Variants in EFEMP1 observed in about 807,000 individuals in gnomAD.
EFEMP1 encodes the protein EGF-like fibulin extracellular matrix protein 1.
EFEMP1 carries 18 observed loss-of-function variants against 65.7 expected under a neutral mutation model. The ratio of observed to expected loss-of-function variants is 0.27; its 90% CI spans 0.19 to 0.41. The LOEUF is 0.41. Ranked by LOEUF, EFEMP1 falls within the 10% of genes least tolerant of loss-of-function variation. The probability of loss-of-function intolerance (pLI) is 1.00; values close to 1 mark genes in which losing one functional copy is unlikely to be tolerated. For synonymous variants in EFEMP1, 237 were observed against 219.7 expected (o/e 1.08, Z -0.70); for missense variants, 469 against 624.8 (o/e 0.75, Z 2.66).
chr2:55,888,334 CTTT>C lies in EFEMP1; in HGVS notation c.518-6603_518-6601del, dbSNP rs71713705. The stretch of plus-strand genomic sequence containing the variant: ...AAACTCTTTTTTTTTCCTTCTTAAA[CTTT>C]TTTTTTTTTTTTTTTTTTGAGATGG... On this transcript the variant is annotated intron_variant, in intron 5 of 11. Transcript: ENST00000355426. 7.9e-4 allele frequency among the ~76,000 whole-genome samples: 90 copies of C among 114,292 alleles called. 3 individuals are homozygous for C. Among genetic ancestry groups the C allele is most frequent in the East Asian group, 2.1e-3 (9 of 4,306 alleles). 75.0% of individuals were successfully genotyped at this position (114,292 alleles called of 152,430 possible).
chr2:55,904,009 A>G (rs1430196), intron 5 of EFEMP1, among the ~76,000 whole-genome samples: 94,739 of 151,888 alleles, frequency 0.62, 30,950 homozygotes, highest in East Asian at 0.9. Flanking sequence ...CAGGGTAAGA[A>G]GCAGCGCCTG....
chr2:55,886,294 C>T lies in EFEMP1; in HGVS notation c.518-4560G>A, dbSNP rs1003243586. Among the ~76,000 whole-genome samples the T allele has an allele frequency of 3.9e-5, 6 of 152,120 alleles. No individual in the cohort carries two copies. The highest frequency in any genetic ancestry group is 1.4e-4 in the African/African-American group (6 of 41,420). On this transcript the variant is annotated intron_variant, in intron 5 of 11. Transcript: ENST00000355426. The surrounding 1 kb of genome is among the most constrained non-coding windows in gnomAD (Gnocchi z 4.0). ...TTTTTAAAAGTATTCAGATTCTTCA[C>T]AATATACTTTTTTTGTTTCCAGACT...
At position 55,871,628 on chromosome 2, in the gene EFEMP1, T is replaced by G. The variant is rs1558458606; in HGVS notation, c.1001-505A>C. Among the ~76,000 whole-genome samples, 1 of 151,962 alleles carries G rather than the reference T, an allele frequency of 6.6e-6. No individual in the cohort carries two copies. The highest frequency in any genetic ancestry group is 2.4e-5 in the African/African-American group (1 of 41,406). ...TTGAAGGGTGGTGGTTAGATGGAGT[T>G]TTCATGGCTGGGGCAGGGAAGGCTT... On this transcript the variant is annotated intron_variant, in intron 9 of 11. Transcript: ENST00000355426. This position sits in a 1 kb window ranked among gnomAD's most constrained non-coding sequence, Gnocchi z 4.2.
chr2:55,917,811 G>C lies in EFEMP1; in HGVS notation c.371C>G (p.Ala124Gly). 1 of 1,614,238 alleles carries C rather than the reference G, an allele frequency of 6.2e-7. No homozygotes were observed. The highest frequency in any genetic ancestry group is 2.2e-5 in the East Asian group (1 of 44,882). The change falls in exon 5 of 12, where the codon GCA becomes GGA. Residue 124 changes from alanine to glycine, a missense_variant. Coordinates refer to ENST00000355426, the MANE Select transcript of EFEMP1 (RefSeq NM_001039348.3). The surrounding 1 kb of genome is among the most constrained non-coding windows in gnomAD (Gnocchi z 6.3). Reference sequence around the variant, plus strand: ...AGTCTGCATTTCAGGGCCTGCGACTGCAGCAGCACTGGCCACAAAACCACC... The same window carrying C: ...AGTCTGCATTTCAGGGCCTGCGACTCCAGCAGCACTGGCCACAAAACCACC... ...PGGGFVASAA[A>G]VAGPEMQTGR... is the part of the protein sequence containing the mutation.
chr2:55,870,079 A>G lies in EFEMP1; in HGVS notation c.1320+641T>C, dbSNP rs1329993269. ...TCAGAAAGTAGATTTCACACAGGCA[A>G]TGAAAGATAGGGAGATGACTCCATA... On this transcript the variant is annotated intron_variant, in intron 11 of 11. Coordinates refer to ENST00000355426, the MANE Select transcript of EFEMP1 (RefSeq NM_001039348.3). The surrounding 1 kb of genome is among the most constrained non-coding windows in gnomAD (Gnocchi z 5.8). Among the ~76,000 whole-genome samples the G allele has an allele frequency of 1.3e-5, 2 of 152,100 alleles. No individual in the cohort carries two copies. Among genetic ancestry groups the G allele is most frequent in the Non-Finnish European group, 2.9e-5 (2 of 68,002 alleles).
chr2:55,867,376 G>A lies in EFEMP1; in HGVS notation c.1321-142C>T, dbSNP rs945426578. ...AGAGCCACTACTTGGTCCCTTCTTG[G>A]TTTCAACTCTTCTTGGCTCTTATCC... On this transcript the variant is annotated intron_variant, in intron 11 of 11. Transcript: ENST00000355426. The surrounding 1 kb of genome is among the most constrained non-coding windows in gnomAD (Gnocchi z 4.3). 1 of 846,046 alleles carries A rather than the reference G, an allele frequency of 1.2e-6. No homozygotes were observed. Among genetic ancestry groups the A allele is most frequent in the Non-Finnish European group, 1.8e-6 (1 of 552,482 alleles). 52.4% of individuals were successfully genotyped at this position (846,046 alleles called of 1,614,324 possible).
chr2:55,879,854 T>C (rs74417668), intron 6 of EFEMP1, among the ~76,000 whole-genome samples: 2 of 152,184 alleles, frequency 1.3e-5, no homozygotes, highest in Non-Finnish European at 2.9e-5. Flanking sequence ...TTTACAGAAG[T>C]ATTGGTCTGC....
At position 55,873,066 on chromosome 2, in the gene EFEMP1, C is replaced by CACACACACACACACA. The variant is rs55817415; in HGVS notation, c.1000+1879_1000+1880insTGTGTGTGTGTGTGT. ...TTCTTTTGTCTCTCTGTCTCTCTCT[C>CACACACACACACACA]CACACACACACACACACACACACAC... On this transcript the variant is annotated intron_variant, in intron 9 of 11. Transcript: ENST00000355426. This position sits in a 1 kb window ranked among gnomAD's most constrained non-coding sequence, Gnocchi z 4.6. Among the ~76,000 whole-genome samples the CACACACACACACACA allele has an allele frequency of 2.1e-5, 3 of 145,402 alleles. No individual in the cohort carries two copies. The highest frequency in any genetic ancestry group is 7.6e-5 in the African/African-American group (3 of 39,394).
At chr2:55,880,693 G>A (rs531131074) in intron 6 of EFEMP1, among the ~76,000 whole-genome samples, 2 of 152,348 alleles carry the variant, frequency 1.3e-5, no homozygotes, top group African/African-American at 2.4e-5. Flanking sequence ...TCACTGATCT[G>A]TGGTAAGAAG....
chr2:55,891,468 A>G (rs1339416495), intron 5 of EFEMP1, among the ~76,000 whole-genome samples: 1 of 152,118 alleles, frequency 6.6e-6, no homozygotes, highest in East Asian at 1.9e-4. Flanking sequence ...TGAAAAACAG[A>G]TGCTGCATCC....
intron 5 of EFEMP1, among the ~76,000 whole-genome samples, chr2:55,904,990 T>C (rs1200409491): frequency 1.4e-5 from 2 of 138,528 alleles, no homozygotes; most frequent in African/African-American, 2.8e-5. Context: ...TTTTTCTTTT[T>C]TTTTTTTTTT....
chr2:55,901,320 A>C (rs914014524), intron 5 of EFEMP1, among the ~76,000 whole-genome samples: 2 of 152,194 alleles, frequency 1.3e-5, no homozygotes, highest in African/African-American at 4.8e-5. Context: ...CTTGTCCTTA[A>C]AGTTTTTGTT....
At chr2:55,868,104 A>G (rs1431198821) in intron 11 of EFEMP1, among the ~76,000 whole-genome samples, 2 of 152,154 alleles carry the variant, frequency 1.3e-5, no homozygotes, top group African/African-American at 4.8e-5. Context: ...CACTTGTTCA[A>G]TGTCTTGACT....
intron 5 of EFEMP1, among the ~76,000 whole-genome samples, chr2:55,900,726 T>A (rs1404145273): frequency 6.6e-6 from 1 of 152,220 alleles, no homozygotes; most frequent in African/African-American, 2.4e-5. Context: ...GGAAACTGGA[T>A]GTGGCTGGCA....
In EFEMP1 at chr2:55,881,718, A is replaced by G. The variant is rs776323409; in HGVS notation, c.534T>C (p.Thr178=). 12 of 1,613,940 alleles carry G rather than the reference A, an allele frequency of 7.4e-6. No homozygotes were observed. The highest frequency in any genetic ancestry group is 1.0e-5 in the Non-Finnish European group (12 of 1,179,884). ...HNVCQDIDEC[T]AGTHNCRADQ... Reference sequence around the variant, plus strand: ...CTGCTCTACAGTTGTGCGTCCCTGCAGTGCACTCGTCTATGTCTGTCAGAG... The same window carrying G: ...CTGCTCTACAGTTGTGCGTCCCTGCGGTGCACTCGTCTATGTCTGTCAGAG... The change falls in exon 6 of 12, where the codon ACT becomes ACC. Residue 178 remains threonine (T), a synonymous_variant. Coordinates refer to ENST00000355426, the MANE Select transcript of EFEMP1 (RefSeq NM_001039348.3).
At chr2:55,911,250 TAAG>T (rs1670472726) in intron 5 of EFEMP1, among the ~76,000 whole-genome samples, 2 of 152,102 alleles carry the variant, frequency 1.3e-5, no homozygotes, top group South Asian at 4.1e-4. Context: ...GTGATGACAG[TAAG>T]AAGAGTGAGA....
At chr2:55,876,826 C>T in intron 7 of EFEMP1, 84 bp from the exon 8 acceptor site, 1 of 826,370 alleles carries the variant, frequency 1.2e-6, no homozygotes, top group East Asian at 4.1e-5. Context: ...CATATCCTTA[C>T]TCTTTTGTAC....
chr2:55,889,084 C>T (rs1242930003), intron 5 of EFEMP1, among the ~76,000 whole-genome samples: 1 of 152,146 alleles, frequency 6.6e-6, no homozygotes, highest in African/African-American at 2.4e-5. Context: ...CTCCCTGAGG[C>T]CTTGCAGCCA....
intron 8 of EFEMP1, 115 bp downstream of exon 8, chr2:55,876,508 A>G: frequency 6.8e-7 from 1 of 1,461,304 alleles, no homozygotes; most frequent in Non-Finnish European, 9.3e-7. Flanking sequence ...ACTGGATTTT[A>G]GAACAGAATT....
Sources: gnomAD v4.1 joint callset for allele counts (sites outside exome capture counted in the v4.1 genomes callset) on GRCh38, gnomAD v4.1.1 for gene constraint, Gnocchi (gnomAD v3.1) non-coding constraint, MANE v1.5 for transcripts, NCBI Gene and HGNC (gene_info 2026-07-23, HGNC 2026-07-21) for gene names.